The following DNAH11 variants were observed in gnomAD, a reference collection of about 807,000 sequenced individuals.
The protein encoded by DNAH11 is dynein axonemal heavy chain 11.
A neutral mutation model predicts 526.0 loss-of-function variants in DNAH11; 442 were observed. The observed-to-expected ratio is 0.84, with a 90% confidence interval of 0.78 to 0.91. The LOEUF is 0.91. Among genes scored for constraint, DNAH11 ranks in the 40% least tolerant of loss-of-function variants. The probability of loss-of-function intolerance (pLI) is 0.00; values close to 1 mark genes in which losing one functional copy is unlikely to be tolerated. For synonymous variants in DNAH11, 2,461 were observed against 1,935.9 expected, an observed-to-expected ratio of 1.27 and a Z score of -7.12; for missense variants, 6,989 against 5,448.7, an observed-to-expected ratio of 1.28 and a Z score of -8.90.
At chr7:21,606,912 C>T (rs185184530) in intron 20 of DNAH11, among the ~76,000 whole-genome samples, 179 bp downstream of exon 20, 2 of 152,210 alleles carry the variant, frequency 1.3e-5, no homozygotes, top group East Asian at 1.9e-4. Context: ...CAAATCATGC[C>T]TCCCAAAACC....
intron 30 of DNAH11, among the ~76,000 whole-genome samples, chr7:21,674,488 G>A (rs1388082601): frequency 6.6e-6 from 1 of 152,118 alleles, no homozygotes; most frequent in Non-Finnish European, 1.5e-5. Flanking sequence ...AGCCTCCCAA[G>A]TAACTGGGGT....
chr7:21,704,701 A>G (rs1315202545), intron 38 of DNAH11, 73 bp downstream of exon 38: 2 of 1,291,666 alleles, frequency 1.5e-6, no homozygotes, highest in Non-Finnish European at 2.1e-6. Context: ...AATTGATACT[A>G]AAGCAAGATG....
At chr7:21,855,431 AAAT>A (rs940171562) in intron 68 of DNAH11, among the ~76,000 whole-genome samples, 50 of 152,254 alleles carry the variant, frequency 3.3e-4, no homozygotes, top group African/African-American at 1.2e-3. Flanking sequence ...AAAGAAAGAA[AAAT>A]AATAAGAACA....
intron 54 of DNAH11, among the ~76,000 whole-genome samples, chr7:21,752,701 A>T (rs532941681): frequency 6.6e-6 from 1 of 151,674 alleles, no homozygotes; most frequent in South Asian, 2.1e-4. Flanking sequence ...TTTATTTTTT[A>T]TTTTTATTTA....
At position 21,658,902 on chromosome 7, in the gene DNAH11, G is replaced by T; in HGVS notation, c.5199G>T (p.Trp1733Cys). 1 of 1,610,104 alleles carries T rather than the reference G, an allele frequency of 6.2e-7. No homozygotes were observed. The change falls in exon 30 of 82, where the codon TGG (tryptophan) becomes TGT (cysteine). Residue 1733 changes from tryptophan to cysteine, a missense_variant. Transcript: ENST00000409508. ...ACGAGGAAAAACCTAGGGAACTGTG[G>T]ATTTTTGATTTCCCAGCTCAGGTTG... ...VAYEEKPREL[W>C]IFDFPAQVAL...
intron 50 of DNAH11, 49 bp downstream of exon 50, chr7:21,744,648 G>T (rs1786063710): frequency 6.3e-7 from 1 of 1,597,380 alleles, no homozygotes; most frequent in African/African-American, 1.4e-5. Flanking sequence ...CACCAACTGG[G>T]TATTGGGACT....
chr7:21,876,562 A>T (rs1417290441), intron 74 of DNAH11, among the ~76,000 whole-genome samples: 7 of 152,256 alleles, frequency 4.6e-5, no homozygotes, highest in Admixed American at 3.9e-4. Flanking sequence ...ATACAAGGTC[A>T]AAAAGTAGTC....
At chr7:21,560,396 G>A (rs963599517) in intron 4 of DNAH11, among the ~76,000 whole-genome samples, 45 of 152,114 alleles carry the variant, frequency 3.0e-4, no homozygotes, top group African/African-American at 1.1e-3. Flanking sequence ...TCTACAATAG[G>A]CTGTCTGTAG....
At chr7:21,812,690 G>C (rs1789584515) in intron 63 of DNAH11, among the ~76,000 whole-genome samples, 1 of 151,956 alleles carries the variant, frequency 6.6e-6, no homozygotes, top group Non-Finnish European at 1.5e-5. Flanking sequence ...GGTGGGAAGG[G>C]AGGAAAATGA....
intron 14 of DNAH11, among the ~76,000 whole-genome samples, chr7:21,597,997 G>C (rs760291907): frequency 6.6e-6 from 1 of 152,100 alleles, no homozygotes; most frequent in Non-Finnish European, 1.5e-5. Context: ...TCCTGAGAAG[G>C]AGCAGTTCTT....
intron 28 of DNAH11, among the ~76,000 whole-genome samples, chr7:21,650,196 T>C (rs1787562598): frequency 6.6e-6 from 1 of 152,198 alleles, no homozygotes; most frequent in South Asian, 2.1e-4. Flanking sequence ...CAACCTTATA[T>C]GCACTGATAT....
intron 65 of DNAH11, among the ~76,000 whole-genome samples, chr7:21,821,969 T>C (rs1790072099): frequency 6.6e-6 from 1 of 151,950 alleles, no homozygotes; most frequent in Non-Finnish European, 1.5e-5. Context: ...TATTTTTCTT[T>C]CTGTGCCTGA....
At chr7:21,710,440 C>G in intron 40 of DNAH11, 113 bp from the exon 41 acceptor site, 1 of 869,734 alleles carries the variant, frequency 1.1e-6, no homozygotes, top group Non-Finnish European at 1.7e-6. Flanking sequence ...TACACACTGC[C>G]CGCAAGAAAG....
chr7:21,599,419 G>A (rs1320335773), intron 14 of DNAH11, among the ~76,000 whole-genome samples: 1 of 152,184 alleles, frequency 6.6e-6, no homozygotes, highest in African/African-American at 2.4e-5. Context: ...TATTTATACG[G>A]AAGGCCCTGG....
intron 25 of DNAH11, among the ~76,000 whole-genome samples, chr7:21,624,074 C>T (rs1222743464): frequency 6.6e-6 from 1 of 151,970 alleles, no homozygotes; most frequent in Non-Finnish European, 1.5e-5. Flanking sequence ...TTAAAGGTCT[C>T]ACCTCAAACA....
At chr7:21,642,818 A>G (rs1202543482) in intron 28 of DNAH11, among the ~76,000 whole-genome samples, 1 of 152,018 alleles carries the variant, frequency 6.6e-6, no homozygotes, top group African/African-American at 2.4e-5. Context: ...TCTGATAACC[A>G]CTACAACCGC....
intron 44 of DNAH11, among the ~76,000 whole-genome samples, chr7:21,725,488 A>C (rs1303909726): frequency 6.6e-6 from 1 of 152,202 alleles, no homozygotes; most frequent in Non-Finnish European, 1.5e-5. Flanking sequence ...AATTTTTAAA[A>C]AGTACGCCAT....
In DNAH11 at chr7:21,571,924, G is replaced by A. The variant is rs2128437181; in HGVS notation, c.1544G>A (p.Cys515Tyr). Residue 515 changes from cysteine to tyrosine, a missense_variant, in exon 8 of 82, where the codon TGT (cysteine) becomes TAT (tyrosine). Cys to Tyr is a radical substitution (Grantham distance 194). Coordinates refer to ENST00000409508, the MANE Select transcript of DNAH11 (RefSeq NM_001277115.2). ...ATGAGTGAAGAACTTATGGAACTCT[G>A]TAAACTTTTTAAACAGAGCACTTAT... Reference protein sequence around the residue: ...HEMSEELMELCKLFKQSTYDP... With the variant: ...HEMSEELMELYKLFKQSTYDP... 1 of 1,610,414 alleles carries A rather than the reference G, an allele frequency of 6.2e-7. No homozygotes were observed. Among genetic ancestry groups the A allele is most frequent in the Non-Finnish European group, 8.5e-7 (1 of 1,178,572 alleles).
rs767380397 is a variant in DNAH11, at chr7:21,816,666, G to T, written c.10532G>T (p.Gly3511Val). 1 of 1,613,626 alleles carries T rather than the reference G, an allele frequency of 6.2e-7. No homozygotes were observed. Among genetic ancestry groups the T allele is most frequent in the South Asian group, 1.1e-5 (1 of 91,012 alleles). Residue 3511 changes from glycine (G) to valine (V), a missense_variant, in exon 64 of 82, where the codon GGA becomes GTA. Coordinates refer to ENST00000409508, the MANE Select transcript of DNAH11 (RefSeq NM_001277115.2). ...ATTAAGTGGATCAAGAATAAGTATG[G>T]AATGGACCTGAAAGTCACACATTTG... ...QGIKWIKNKY[G>V]MDLKVTHLGQ...
Sources: gnomAD v4.1 joint callset for allele counts (sites outside exome capture counted in the v4.1 genomes callset) on GRCh38, gnomAD v4.1.1 for gene constraint, MANE v1.5 for transcripts, NCBI Gene and HGNC (gene_info 2026-07-23, HGNC 2026-07-21) for gene names.